ANK2: variants seen among roughly 807,000 people sequenced by gnomAD.
ANK2 encodes the protein ankyrin 2, also known as ankyrin-2.
Under a neutral mutation model 360.5 loss-of-function variants are expected in ANK2, and 83 were observed. That is an observed-to-expected ratio of 0.23 (90% confidence interval 0.19 to 0.28). The LOEUF is 0.28. Among genes scored for constraint, ANK2 ranks in the 10% least tolerant of loss-of-function variants. ANK2 has a pLI of 1.00. For synonymous variants in ANK2, 1,740 were observed against 1,759.5 expected (o/e 0.99, Z 0.28); for missense variants, 4,201 against 4,795.7 (o/e 0.88, Z 3.66).
chr4:112,992,521 A>T (rs1351483203), intron 2 of ANK2, among the ~76,000 whole-genome samples: 2 of 152,180 alleles, frequency 1.3e-5, no homozygotes, highest in Non-Finnish European at 2.9e-5. Context: ...AAATACCATA[A>T]ACTGGGTGAC....
At chr4:112,970,199 T>C (rs531715089) in intron 2 of ANK2, among the ~76,000 whole-genome samples, 1 of 152,132 alleles carries the variant, frequency 6.6e-6, no homozygotes, top group East Asian at 1.9e-4. Context: ...TTGGCCAGGC[T>C]GATCTCGAAC....
intron 23 of ANK2, among the ~76,000 whole-genome samples, chr4:113,307,531 C>T (rs1326553080): frequency 1.3e-5 from 2 of 151,222 alleles, no homozygotes; most frequent in African/African-American, 4.9e-5. Flanking sequence ...CTTTAGCTCC[C>T]AGAGTAGCTG....
intron 13 of ANK2, 118 bp from the exon 14 acceptor site, chr4:113,264,779 C>A: frequency 1.1e-6 from 1 of 951,018 alleles, no homozygotes; most frequent in Non-Finnish European, 1.6e-6. Flanking sequence ...TATGCCTTTT[C>A]ATAGGTTTCT....
At chr4:113,167,466 A>C (rs796982736) in intron 1 of ANK2, among the ~76,000 whole-genome samples, 17 of 151,820 alleles carry the variant, frequency 1.1e-4, no homozygotes, top group African/African-American at 4.1e-4. Context: ...TGACTGGCTA[A>C]TTTTGTGTTT....
At chr4:112,796,552 G>A in the ANK2 span, among the ~76,000 whole-genome samples, 1 of 151,166 alleles carries the variant, frequency 6.6e-6, no homozygotes, top group African/African-American at 2.4e-5. Context: ...TTCTCACCAT[G>A]TTGTTCAGGC....
At chr4:113,094,511 G>A (rs569619956) in intron 1 of ANK2, among the ~76,000 whole-genome samples, 6 of 145,792 alleles carry the variant, frequency 4.1e-5, no homozygotes, top group Non-Finnish European at 9.4e-5. Context: ...AAAAGAGGGT[G>A]CAGCACGTGT....
rs1283917545 is a variant in ANK2, at chr4:113,355,412, C to T, written c.6794C>T (p.Thr2265Ile). 2 of 1,613,908 alleles carry T rather than the reference C, an allele frequency of 1.2e-6. No individual in the cohort carries two copies. The highest frequency in any genetic ancestry group is 2.2e-5 in the East Asian group (1 of 44,848). ...EEQTGETKES[T>I]KTETTTEIRS... ...CAAACTGGGGAAACAAAGGAAAGCA[C>T]CAAGACAGAAACCACCACAGAAATT... Residue 2265 changes from threonine to isoleucine, a missense_variant, in exon 38 of 46, where the codon ACC (threonine) becomes ATC (isoleucine). Thr to Ile is a moderately conservative substitution (Grantham distance 89, BLOSUM62 -1). This residue lies in a region of ANK2 where 2,642 missense variants were observed against 2,714.5 expected (regional missense o/e 0.97). Coordinates refer to ENST00000357077, the MANE Select transcript of ANK2 (RefSeq NM_001148.6).
At chr4:113,139,681 A>C (rs921748629) in intron 1 of ANK2, among the ~76,000 whole-genome samples, 2 of 152,170 alleles carry the variant, frequency 1.3e-5, no homozygotes, top group Admixed American at 1.3e-4. Context: ...CTGTCCTCAT[A>C]GTCTCTTTAA....
At chr4:113,286,945 C>A (rs2064956866) in intron 18 of ANK2, among the ~76,000 whole-genome samples, 1 of 152,110 alleles carries the variant, frequency 6.6e-6, no homozygotes, top group Non-Finnish European at 1.5e-5. Context: ...TTCTCCATGC[C>A]TTTCTTTTTT....
chr4:113,015,546 AG>A (rs2056377243), intron 2 of ANK2, among the ~76,000 whole-genome samples: 1 of 152,212 alleles, frequency 6.6e-6, no homozygotes, highest in African/African-American at 2.4e-5. Flanking sequence ...TATTAGTATT[AG>A]TTTTCCTTTT....
At chr4:113,141,512 TAA>T (rs1387910179) in intron 1 of ANK2, 1 of 152,140 alleles carries the variant, frequency 6.6e-6, no homozygotes, top group Non-Finnish European at 1.5e-5. Flanking sequence ...TTTTCTTTTT[TAA>T]AAAACAGGAA....
At chr4:112,911,213 G>A (rs111734763) in intron 2 of ANK2, among the ~76,000 whole-genome samples, 4,163 of 119,876 alleles carry the variant, frequency 0.035, 124 homozygotes, top group African/African-American at 0.071. Context: ...TTTTTTTAGA[G>A]ATGGTATATC....
chr4:113,056,959 G>A lies in ANK2; in HGVS notation c.84+7147G>A, dbSNP rs370503487. 2.7e-3 allele frequency among the ~76,000 whole-genome samples: 411 copies of A among 152,272 alleles called. 1 individual carries two copies. The highest frequency in any genetic ancestry group is 9.7e-3 in the African/African-American group (403 of 41,566). On this transcript the variant is annotated intron_variant, in intron 1 of 45. Coordinates refer to ENST00000357077, the MANE Select transcript of ANK2 (RefSeq NM_001148.6). The stretch of plus-strand genomic sequence containing the variant: ...CCTTGATTTCTAGCATTTGCTTAAT[G>A]AAATTCAGTTTCTAAGAATCAGCTT...
At chr4:113,017,145 T>C (rs1271551670) in intron 2 of ANK2, among the ~76,000 whole-genome samples, 1 of 152,234 alleles carries the variant, frequency 6.6e-6, no homozygotes, top group African/African-American at 2.4e-5. Flanking sequence ...TGACCTCTTA[T>C]ATATGTTGCT....
At chr4:112,915,300 A>G (rs1164220644) in intron 2 of ANK2, among the ~76,000 whole-genome samples, 1 of 152,206 alleles carries the variant, frequency 6.6e-6, no homozygotes, top group East Asian at 1.9e-4. Flanking sequence ...GTATTTGTGT[A>G]CGTCAAACTT....
At chr4:113,194,859 T>C (rs2098725427) in intron 2 of ANK2, among the ~76,000 whole-genome samples, 6 of 152,182 alleles carry the variant, frequency 3.9e-5, no homozygotes, top group Admixed American at 3.9e-4. Flanking sequence ...AATAGTATCC[T>C]GCTTTAGTTG....
intron 2 of ANK2, among the ~76,000 whole-genome samples, chr4:112,918,170 A>G (rs952082443): frequency 1.3e-5 from 2 of 152,138 alleles, no homozygotes; most frequent in Admixed American, 1.3e-4. Flanking sequence ...TACACAGGCC[A>G]TCTGATTGAT....
intron 2 of ANK2, among the ~76,000 whole-genome samples, chr4:113,024,748 T>C (rs2058895628): frequency 6.6e-6 from 1 of 152,178 alleles, no homozygotes; most frequent in East Asian, 1.9e-4. Context: ...ATATGAATTA[T>C]TGTTTGACGC....
At chr4:113,349,667 A>C (rs528083002) in intron 36 of ANK2, among the ~76,000 whole-genome samples, 1 of 152,178 alleles carries the variant, frequency 6.6e-6, no homozygotes. Flanking sequence ...ACAGCTGTTA[A>C]AAATGATAGG....
Sources: allele counts gnomAD v4.1 joint callset (sites outside exome capture counted in the v4.1 genomes callset), GRCh38; gene constraint gnomAD v4.1.1; regional missense constraint gnomAD v4.1.1; transcripts MANE v1.5; gene names NCBI Gene and HGNC (gene_info 2026-07-23, HGNC 2026-07-21).